The following DDC variants were observed in gnomAD, a reference collection of about 807,000 sequenced individuals.
DDC encodes the protein aromatic-L-amino-acid decarboxylase.
In DDC, 43 loss-of-function variants were observed where a neutral mutation model predicts 60.0. The ratio of observed to expected loss-of-function variants is 0.72; its 90% CI spans 0.56 to 0.92. The LOEUF (loss-of-function observed/expected upper bound fraction) is 0.92. Among genes scored for constraint, DDC ranks in the 40% least tolerant of loss-of-function variants. The pLI, the probability that DDC is intolerant of heterozygous loss-of-function variation, is 0.00. For missense variants in DDC, 573 were observed against 620.2 expected, an observed-to-expected ratio of 0.92 and a Z score of 0.81; for synonymous variants, 232 against 234.6, an observed-to-expected ratio of 0.99 and a Z score of 0.10.
intron 7 of DDC, among the ~76,000 whole-genome samples, chr7:50,499,636 C>A (rs2043204345): frequency 6.6e-6 from 1 of 152,192 alleles, no homozygotes; most frequent in Non-Finnish European, 1.5e-5. Context: ...AAGTCCTCCC[C>A]CAAACATCAT....
intron 1 of DDC, among the ~76,000 whole-genome samples, chr7:50,545,899 T>G (rs1334475119): frequency 6.6e-6 from 1 of 152,320 alleles, no homozygotes; most frequent in East Asian, 1.9e-4. Flanking sequence ...GCACGTCTTG[T>G]GCATAGGATG....
Position 50,472,671 on chromosome 7 carries a change from G to A in DDC, c.1042-2500C>T, listed in dbSNP as rs370585561. On this transcript the variant is annotated intron_variant, in intron 11 of 14. Transcript: ENST00000444124. ...TTTACCCAGGACCGTGCAAACTGGA[G>A]GCAAATGGTGCTGTCTTACATCTTC... Among the ~76,000 whole-genome samples the A allele has an allele frequency of 2.0e-5, 3 of 152,144 alleles. No individual in the cohort carries two copies. In the East Asian group the frequency reaches 5.8e-4, roughly 29 times the overall value.
chr7:50,535,144 A>G (rs926772736), intron 4 of DDC, among the ~76,000 whole-genome samples: 5 of 150,578 alleles, frequency 3.3e-5, no homozygotes, highest in Admixed American at 6.6e-5. Context: ...AACATAGCTG[A>G]CGTTTTCTTT....
At chr7:50,530,457 A>C (rs1471754593) in intron 4 of DDC, among the ~76,000 whole-genome samples, 1 of 152,144 alleles carries the variant, frequency 6.6e-6, no homozygotes. Context: ...TCTTCGATCC[A>C]CCCAGTCAGT....
chr7:50,470,224 T>A, intron 11 of DDC, 53 bp from the exon 12 acceptor site: 1 of 1,373,062 alleles, frequency 7.3e-7, no homozygotes, highest in Non-Finnish European at 1.0e-6. Context: ...AAAAGCTGGC[T>A]TCCTTTTCGG....
chr7:50,510,332 A>G (rs1304738134), intron 6 of DDC, among the ~76,000 whole-genome samples: 1 of 152,168 alleles, frequency 6.6e-6, no homozygotes, highest in Non-Finnish European at 1.5e-5. Flanking sequence ...TAAGTAAATA[A>G]GTAAATGAAT....
chr7:50,509,047 C>T (rs182504934), intron 6 of DDC, among the ~76,000 whole-genome samples: 28 of 152,220 alleles, frequency 1.8e-4, no homozygotes, highest in African/African-American at 6.0e-4. Flanking sequence ...AGTTTATTTG[C>T]GCCCTCTACC....
At chr7:50,489,995 T>C (rs1276792352) in intron 9 of DDC, among the ~76,000 whole-genome samples, 1 of 152,238 alleles carries the variant, frequency 6.6e-6, no homozygotes, top group African/African-American at 2.4e-5. Context: ...TTTAGAAAAG[T>C]AAGTCTCTTC....
At chr7:50,530,324 A>G (rs1441980303) in intron 4 of DDC, among the ~76,000 whole-genome samples, 1 of 152,166 alleles carries the variant, frequency 6.6e-6, no homozygotes, top group Non-Finnish European at 1.5e-5. Context: ...AGGGAAGACC[A>G]TGTGAGGACA....
chr7:50,526,025 T>C (rs2044028599), intron 6 of DDC, among the ~76,000 whole-genome samples: 2 of 151,628 alleles, frequency 1.3e-5, no homozygotes, highest in South Asian at 4.2e-4. Context: ...GAGGCAAACT[T>C]TGGGAAGATA....
At chr7:50,492,473 C>G (rs1455122852) in intron 9 of DDC, among the ~76,000 whole-genome samples, 1 of 152,172 alleles carries the variant, frequency 6.6e-6, no homozygotes, top group African/African-American at 2.4e-5. Context: ...AGAGCACATT[C>G]TCTATTGCAA....
At chr7:50,476,901 G>A (rs932054100) in intron 10 of DDC, among the ~76,000 whole-genome samples, 3 of 152,148 alleles carry the variant, frequency 2.0e-5, no homozygotes, top group Non-Finnish European at 4.4e-5. Flanking sequence ...TTTGCTTTCT[G>A]CAGTTACATA....
chr7:50,506,771 C>T (rs1297819115), intron 6 of DDC, among the ~76,000 whole-genome samples: 1 of 152,262 alleles, frequency 6.6e-6, no homozygotes, highest in South Asian at 2.1e-4. Context: ...ATTGCACTTA[C>T]AGACCTGCCC....
intron 9 of DDC, among the ~76,000 whole-genome samples, chr7:50,491,026 G>C (rs1164581740): frequency 6.6e-6 from 1 of 152,066 alleles, no homozygotes; most frequent in African/African-American, 2.4e-5. Context: ...TCTACAATTT[G>C]GGCTGAATTC....
intron 6 of DDC, among the ~76,000 whole-genome samples, chr7:50,518,465 A>G (rs889469543): frequency 2.8e-4 from 42 of 152,370 alleles, no homozygotes; most frequent in Admixed American, 7.2e-4. Context: ...ATCTGGAGGC[A>G]TCACACTACC....
chr7:50,516,421 C>T (rs1010875685), intron 6 of DDC, among the ~76,000 whole-genome samples: 2 of 152,150 alleles, frequency 1.3e-5, no homozygotes, highest in South Asian at 4.1e-4. Context: ...TGGGATACAG[C>T]AAAGGGGATG....
At chr7:50,483,940 C>T (rs1028676843) in intron 9 of DDC, among the ~76,000 whole-genome samples, 8 of 151,612 alleles carry the variant, frequency 5.3e-5, no homozygotes, top group African/African-American at 1.9e-4. Context: ...GGTATTTCTG[C>T]TGTAAGAAAA....
At chr7:50,461,865 T>G (rs1436698886) in intron 14 of DDC, among the ~76,000 whole-genome samples, 1 of 152,034 alleles carries the variant, frequency 6.6e-6, no homozygotes, top group African/African-American at 2.4e-5. Context: ...AGCTTATGAG[T>G]AGGGGAAGGC....
intron 9 of DDC, among the ~76,000 whole-genome samples, chr7:50,492,271 A>G (rs1167348927): frequency 5.3e-5 from 8 of 152,244 alleles, no homozygotes; most frequent in Admixed American, 5.2e-4. Flanking sequence ...CAAACAGTAA[A>G]GATCAGCAAT....
Sources: allele counts gnomAD v4.1 joint callset (sites outside exome capture counted in the v4.1 genomes callset), GRCh38; gene constraint gnomAD v4.1.1; transcripts MANE v1.5; gene names NCBI Gene and HGNC (gene_info 2026-07-23, HGNC 2026-07-21).